The following PTPRD variants were observed in gnomAD, a reference collection of about 807,000 sequenced individuals.
The protein encoded by PTPRD is receptor-type tyrosine-protein phosphatase delta.
PTPRD carries 34 observed loss-of-function variants against 214.5 expected under a neutral mutation model. The ratio of observed to expected loss-of-function variants is 0.16; its 90% CI spans 0.12 to 0.21. The LOEUF is 0.21. Ranked by LOEUF, PTPRD falls within the 10% of genes least tolerant of loss-of-function variation. The probability of loss-of-function intolerance (pLI) is 1.00; values close to 1 mark genes in which losing one functional copy is unlikely to be tolerated. For synonymous variants in PTPRD, 1,128 were observed against 845.7 expected (o/e 1.33, Z -5.79); for missense variants, 2,545 against 2,398.7 (o/e 1.06, Z -1.27).
At chr9:8,463,308 CAAAAAAAAAAAAAAAAAA>C (rs71308864) in intron 32 of PTPRD, among the ~76,000 whole-genome samples, 1 of 28,850 alleles carries the variant, frequency 3.5e-5, no homozygotes, top group Non-Finnish European at 8.0e-5. Flanking sequence ...CAGAGGCAGC[CAAAAAAAAAAAAAAAAAA>C]AAAAAAAAGA....
chr9:8,820,640 T>C (rs990099337), intron 11 of PTPRD, among the ~76,000 whole-genome samples: 1 of 152,126 alleles, frequency 6.6e-6, no homozygotes, highest in Non-Finnish European at 1.5e-5. Context: ...TTTTATGCCT[T>C]TTTCTGGCAT....
chr9:9,383,195 T>A (rs1454615804), intron 9 of PTPRD, among the ~76,000 whole-genome samples: 1 of 152,076 alleles, frequency 6.6e-6, no homozygotes. Flanking sequence ...AACTTTCATA[T>A]CATTTCCAGA....
chr9:9,748,509 A>T (rs1226945668), intron 6 of PTPRD, among the ~76,000 whole-genome samples: 2 of 152,226 alleles, frequency 1.3e-5, no homozygotes. Flanking sequence ...AAAATAAACA[A>T]CACATCGTAA....
intron 9 of PTPRD, among the ~76,000 whole-genome samples, chr9:9,354,561 A>C (rs1359878172): frequency 6.6e-6 from 1 of 151,764 alleles, no homozygotes; most frequent in African/African-American, 2.4e-5. Flanking sequence ...CTGGGAATTC[A>C]TCAGTGAATG....
intron 2 of PTPRD, among the ~76,000 whole-genome samples, chr9:10,398,251 T>C (rs2098209175): frequency 6.6e-6 from 1 of 151,494 alleles, no homozygotes; most frequent in Non-Finnish European, 1.5e-5. Flanking sequence ...CATGGCGGTA[T>C]ATGCCTACAA....
chr9:9,169,925 C>G (rs2099911287), intron 10 of PTPRD, among the ~76,000 whole-genome samples: 1 of 152,150 alleles, frequency 6.6e-6, no homozygotes, highest in African/African-American at 2.4e-5. Flanking sequence ...CTGTCCTGTC[C>G]TGGAACTGCA....
intron 43 of PTPRD, among the ~76,000 whole-genome samples, chr9:8,334,025 T>C (rs1342588064): frequency 6.6e-6 from 1 of 152,094 alleles, no homozygotes; most frequent in East Asian, 1.9e-4. Context: ...AGCACCCAGA[T>C]TCATAAAATA....
At chr9:8,835,056 T>A (rs1865207) in intron 11 of PTPRD, among the ~76,000 whole-genome samples, 39,650 of 151,982 alleles carry the variant, frequency 0.26, 5,302 homozygotes, top group East Asian at 0.3. Context: ...GGACCCCAGG[T>A]TAAAGTCAGT....
At chr9:9,733,067 C>A (rs1447862433) in intron 7 of PTPRD, among the ~76,000 whole-genome samples, 2 of 152,164 alleles carry the variant, frequency 1.3e-5, no homozygotes, top group African/African-American at 4.8e-5. Flanking sequence ...AAATTCTACT[C>A]AGGCCTAGTA....
chr9:8,815,458 G>A (rs1040212313), intron 11 of PTPRD, among the ~76,000 whole-genome samples: 12 of 152,098 alleles, frequency 7.9e-5, no homozygotes, highest in African/African-American at 2.9e-4. Flanking sequence ...TCAGATGAAA[G>A]GATTCATTTA....
At chr9:8,318,888 T>C (rs186835183) in intron 45 of PTPRD, among the ~76,000 whole-genome samples, 3 of 152,240 alleles carry the variant, frequency 2.0e-5, no homozygotes, top group East Asian at 1.9e-4. Context: ...CTATTTTCAG[T>C]GGCCAATCGG....
At chr9:9,630,994 G>C (rs1034446962) in intron 7 of PTPRD, among the ~76,000 whole-genome samples, 1 of 152,036 alleles carries the variant, frequency 6.6e-6, no homozygotes, top group East Asian at 1.9e-4. Context: ...CATTTTCAAT[G>C]CCTTTAATGA....
intron 2 of PTPRD, among the ~76,000 whole-genome samples, chr9:10,407,084 C>G (rs1022356433): frequency 1.3e-5 from 2 of 151,482 alleles, no homozygotes; most frequent in African/African-American, 2.4e-5. Flanking sequence ...TAATGCCCAA[C>G]GTCTTCTCAC....
intron 5 of PTPRD, among the ~76,000 whole-genome samples, chr9:9,906,738 T>G (rs563965148): frequency 1.5e-4 from 23 of 152,106 alleles, no homozygotes; most frequent in Admixed American, 1.4e-3. Context: ...TTAATTAAAT[T>G]GAAACCCACT....
chr9:9,073,195 C>T (rs761772090), intron 10 of PTPRD, among the ~76,000 whole-genome samples: 7 of 152,086 alleles, frequency 4.6e-5, no homozygotes, highest in South Asian at 2.1e-4. Context: ...TCAGATTCAA[C>T]GAAGATTTAT....
In PTPRD at chr9:8,348,994, G is replaced by A. The variant is rs541990804; in HGVS notation, c.4662-7016C>T. ...ACAGCTTCGTTGTCTCTACTGTTTG[G>A]CAATTTCCATGCCAGGGAAATTGAA... On this transcript the variant is annotated intron_variant, in intron 39 of 45. Coordinates refer to ENST00000381196, the MANE Select transcript of PTPRD (RefSeq NM_002839.4). Among the ~76,000 whole-genome samples the A allele has an allele frequency of 3.3e-5, 5 of 152,062 alleles. No homozygotes were observed. The East Asian group carries it at 9.7e-4, about 30-fold the overall frequency.
intron 11 of PTPRD, among the ~76,000 whole-genome samples, chr9:8,747,274 T>C (rs1010694023): frequency 6.6e-6 from 1 of 152,178 alleles, no homozygotes; most frequent in Non-Finnish European, 1.5e-5. Context: ...ACTCAGGCAC[T>C]AGAATTAGGA....
intron 11 of PTPRD, among the ~76,000 whole-genome samples, chr9:8,935,185 C>T (rs66867787): frequency 6.6e-6 from 1 of 151,844 alleles, no homozygotes; most frequent in African/African-American, 2.4e-5. Context: ...CATATGACAC[C>T]ATCTTACATA....
intron 33 of PTPRD, among the ~76,000 whole-genome samples, chr9:8,456,178 A>C (rs2096193729): frequency 6.6e-6 from 1 of 152,192 alleles, no homozygotes. Flanking sequence ...CACAATAATG[A>C]ATAAGACAGA....
Sources: gnomAD v4.1 joint callset for allele counts (sites outside exome capture counted in the v4.1 genomes callset) on GRCh38, gnomAD v4.1.1 for gene constraint, MANE v1.5 for transcripts, NCBI Gene and HGNC (gene_info 2026-07-23, HGNC 2026-07-21) for gene names.